The following CLVS1 variants were observed in gnomAD, a reference collection of about 807,000 sequenced individuals.
The protein encoded by CLVS1 is clavesin-1.
Under a neutral mutation model 33.1 loss-of-function variants are expected in CLVS1, and 10 were observed. The ratio of observed to expected loss-of-function variants is 0.30; its 90% CI spans 0.19 to 0.51. CLVS1 has a LOEUF of 0.51. Ranked by LOEUF, CLVS1 falls within the 20% of genes least tolerant of loss-of-function variation. The pLI, the probability that CLVS1 is intolerant of heterozygous loss-of-function variation, is 0.97. For missense variants in CLVS1, 343 were observed against 433.4 expected (o/e 0.79, Z 1.85); for synonymous variants, 163 against 166.1 (o/e 0.98, Z 0.14).
At chr8:61,332,472 G>C (rs1413477339) in intron 2 of CLVS1, among the ~76,000 whole-genome samples, 1 of 152,090 alleles carries the variant, frequency 6.6e-6, no homozygotes, top group Non-Finnish European at 1.5e-5. Context: ...TCTCTGGACT[G>C]TTACGACAGT....
chr8:61,351,618 A>T (rs1355865323), intron 2 of CLVS1, among the ~76,000 whole-genome samples: 1 of 152,282 alleles, frequency 6.6e-6, no homozygotes, highest in East Asian at 1.9e-4. Flanking sequence ...ACAGGATAAA[A>T]CAAAGGAACA....
intron 2 of CLVS1, among the ~76,000 whole-genome samples, chr8:61,134,382 C>T (rs567516062): frequency 2.6e-5 from 4 of 152,184 alleles, no homozygotes; most frequent in Admixed American, 6.5e-5. Flanking sequence ...AGATCTGACC[C>T]GTCACCTGTT....
intron 3 of CLVS1, among the ~76,000 whole-genome samples, chr8:61,398,884 T>C (rs1464110717): frequency 6.6e-6 from 1 of 152,244 alleles, no homozygotes; most frequent in African/African-American, 2.4e-5. Context: ...CATGATCTTA[T>C]TCCTTTTTAT....
chr8:61,281,519 C>G (rs1233668575), intron 2 of CLVS1, among the ~76,000 whole-genome samples: 1 of 152,184 alleles, frequency 6.6e-6, no homozygotes, highest in East Asian at 1.9e-4. Context: ...AGAGAGCCCT[C>G]ATTAGAAACC....
At chr8:61,332,957 C>T (rs1359315406) in intron 2 of CLVS1, among the ~76,000 whole-genome samples, 1 of 152,202 alleles carries the variant, frequency 6.6e-6, no homozygotes, top group Non-Finnish European at 1.5e-5. Flanking sequence ...CTTCATCTTC[C>T]ATCTTCATGT....
rs73684406 is a variant in CLVS1, at chr8:61,186,376, A to C, written c.-152+54516A>C. On this transcript the variant is annotated intron_variant, in intron 2 of 2. Coordinates refer to the CLVS1 transcript ENST00000522621. The stretch of plus-strand genomic sequence containing the variant: ...ATGCAGTTGCAGCCCCCCTCAAGAG[A>C]AGGTGCAATTTTCATTCCTTCTCTG... 5.4e-3 allele frequency among the ~76,000 whole-genome samples: 825 copies of C among 152,312 alleles called. 8 individuals are homozygous for C. Among genetic ancestry groups the C allele is most frequent in the African/African-American group, 0.019 (777 of 41,556 alleles).
At chr8:61,202,974 T>C (rs111528186) in intron 2 of CLVS1, 25,962 of 1,458,934 alleles carry the variant, frequency 0.018, 287 homozygotes, top group Non-Finnish European at 0.021. Flanking sequence ...CAAATCAGAA[T>C]GGAAAAGACT....
intron 1 of CLVS1, among the ~76,000 whole-genome samples, chr8:61,100,503 C>T (rs1000793604): frequency 6.6e-6 from 1 of 152,158 alleles, no homozygotes; most frequent in Non-Finnish European, 1.5e-5. Flanking sequence ...TTGCCTTGAA[C>T]ACGACTTTCA....
intron 2 of CLVS1, among the ~76,000 whole-genome samples, chr8:61,149,727 G>A: frequency 6.6e-6 from 1 of 152,060 alleles, no homozygotes; most frequent in East Asian, 1.9e-4. Flanking sequence ...TCTGGCATTT[G>A]AGCCAGCTCT....
At chr8:61,076,806 G>A (rs894395977) in intron 1 of CLVS1, among the ~76,000 whole-genome samples, 4 of 152,076 alleles carry the variant, frequency 2.6e-5, no homozygotes, top group African/African-American at 9.7e-5. Flanking sequence ...GTTTTAATGT[G>A]CTGCACTGGA....
intron 3 of CLVS1, among the ~76,000 whole-genome samples, chr8:61,442,248 T>C (rs1429482975): frequency 6.6e-6 from 1 of 152,232 alleles, no homozygotes. Flanking sequence ...CTCCAGAGAT[T>C]CACCCAGGTT....
chr8:61,294,919 G>A (rs1238353919), intron 1 of CLVS1, among the ~76,000 whole-genome samples: 12 of 152,132 alleles, frequency 7.9e-5, no homozygotes, highest in African/African-American at 2.9e-4. Flanking sequence ...ACTAAATTCT[G>A]TATGAGGAAA....
the CLVS1 span, among the ~76,000 whole-genome samples, chr8:61,039,231 C>G: frequency 5.1e-3 from 776 of 152,332 alleles, 3 homozygotes; most frequent in Non-Finnish European, 8.6e-3. Context: ...ACATTTATTA[C>G]TTACTCCAAG....
Position 61,235,733 on chromosome 8 carries a change from G to C in CLVS1, c.-151-63944G>C, listed in dbSNP as rs537764470. 2.6e-4 allele frequency among the ~76,000 whole-genome samples: 39 copies of C among 152,330 alleles called. 1 individual carries two copies. The highest frequency in any genetic ancestry group is 2.4e-3 in the Admixed American group (36 of 15,304). ...AACTCACAAACATCAGGTGATTTGAGTGGAAGGTTAATATATGAATGCCTT... is the reference window on the plus strand; with the variant it reads ...AACTCACAAACATCAGGTGATTTGACTGGAAGGTTAATATATGAATGCCTT... On this transcript the variant is annotated intron_variant, in intron 2 of 2. Coordinates refer to the CLVS1 transcript ENST00000522621.
chr8:61,075,436 A>C (rs1804893517), intron 1 of CLVS1, among the ~76,000 whole-genome samples: 1 of 152,184 alleles, frequency 6.6e-6, no homozygotes, highest in Non-Finnish European at 1.5e-5. Flanking sequence ...CAAAGGCTGA[A>C]AGGGGAGGAT....
intron 2 of CLVS1, among the ~76,000 whole-genome samples, chr8:61,357,494 CTTTTTTT>C (rs1167743712): frequency 5.4e-4 from 14 of 25,808 alleles, no homozygotes; most frequent in East Asian, 3.6e-3. Context: ...TTTTTCTTTT[CTTTTTTT>C]TTTTTTTTTT....
At chr8:61,017,405 G>A in the CLVS1 span, among the ~76,000 whole-genome samples, 26 of 152,234 alleles carry the variant, frequency 1.7e-4, no homozygotes, top group Admixed American at 3.9e-4. Context: ...AGACACGGAG[G>A]TGCAAGAAGC....
upstream of CLVS1, among the ~76,000 whole-genome samples, chr8:61,285,317 A>C (rs1017333326): frequency 6.6e-6 from 1 of 152,228 alleles, no homozygotes; most frequent in Admixed American, 6.5e-5. Context: ...ATTGCAAAGG[A>C]AACTGGGCTA....
chr8:61,186,836 C>T (rs1807353112), intron 2 of CLVS1, among the ~76,000 whole-genome samples: 1 of 152,088 alleles, frequency 6.6e-6, no homozygotes, highest in Admixed American at 6.5e-5. Context: ...AAGGAGTGAA[C>T]TGACATGTGA....
Sources: allele counts gnomAD v4.1 joint callset (sites outside exome capture counted in the v4.1 genomes callset), GRCh38; gene constraint gnomAD v4.1.1; transcripts MANE v1.5; gene names NCBI Gene and HGNC (gene_info 2026-07-23, HGNC 2026-07-21).